ANP32B: variants seen among roughly 807,000 people sequenced by gnomAD.
ANP32B encodes acidic nuclear phosphoprotein 32 family member B.
A neutral mutation model predicts 32.2 loss-of-function variants in ANP32B; 6 were observed. That is an observed-to-expected ratio of 0.19 (90% CI 0.10 to 0.37). ANP32B has a LOEUF of 0.37. Ranked by LOEUF, ANP32B falls within the 10% of genes least tolerant of loss-of-function variation. The probability of loss-of-function intolerance (pLI) is 1.00; values close to 1 mark genes in which losing one functional copy is unlikely to be tolerated. For synonymous variants in ANP32B, 98 were observed against 105.8 expected (o/e 0.93, Z 0.45); for missense variants, 204 against 289.2 (o/e 0.71, Z 2.14).
At chr9:97,985,688 T>C (rs999421197) in intron 1 of ANP32B, among the ~76,000 whole-genome samples, 1 of 152,240 alleles carries the variant, frequency 6.6e-6, no homozygotes, top group Non-Finnish European at 1.5e-5. Flanking sequence ...TAAAGGTCTT[T>C]TAAAATTCTC....
At chr9:97,993,201 T>G (rs1408213058) in intron 1 of ANP32B, among the ~76,000 whole-genome samples, 1 of 152,174 alleles carries the variant, frequency 6.6e-6, no homozygotes, top group Non-Finnish European at 1.5e-5. Context: ...TGAGAAGCGG[T>G]TAGGCACTTA....
chr9:98,012,499 AT>A, intron 6 of ANP32B, 27 bp downstream of exon 6: 2 of 1,606,468 alleles, frequency 1.2e-6, no homozygotes, highest in Non-Finnish European at 1.7e-6. Context: ...CATTTTGATC[AT>A]TCTCAGTTAA....
At chr9:97,984,980 G>C (rs1827687987) in intron 1 of ANP32B, among the ~76,000 whole-genome samples, 1 of 150,932 alleles carries the variant, frequency 6.6e-6, no homozygotes, top group African/African-American at 2.4e-5. Context: ...CGGCCCTCTT[G>C]CGGCGCGGCT....
At chr9:97,995,579 G>A (rs887403995) in intron 2 of ANP32B, among the ~76,000 whole-genome samples, 1 of 152,066 alleles carries the variant, frequency 6.6e-6, no homozygotes, top group African/African-American at 2.4e-5. Flanking sequence ...TTTGGTATTG[G>A]GGTTTGTTTG....
At chr9:97,985,347 A>G (rs1476150307) in intron 1 of ANP32B, among the ~76,000 whole-genome samples, 1 of 152,054 alleles carries the variant, frequency 6.6e-6, no homozygotes, top group Admixed American at 6.5e-5. Context: ...GCTCCACCGC[A>G]CGGCGCTGTC....
At chr9:98,000,458 A>G (rs1827971493) in intron 3 of ANP32B, among the ~76,000 whole-genome samples, 1 of 152,134 alleles carries the variant, frequency 6.6e-6, no homozygotes, top group Non-Finnish European at 1.5e-5. Flanking sequence ...CATTTCCAGT[A>G]TTTAAGCCGA....
intron 4 of ANP32B, among the ~76,000 whole-genome samples, chr9:98,010,604 A>G (rs1285036534): frequency 6.6e-6 from 1 of 152,030 alleles, no homozygotes; most frequent in Non-Finnish European, 1.5e-5. Flanking sequence ...GAGTTAGCCA[A>G]GCAAAGAGGA....
chr9:98,002,973 T>A (rs1249085045), intron 3 of ANP32B, among the ~76,000 whole-genome samples: 1 of 152,126 alleles, frequency 6.6e-6, no homozygotes, highest in Non-Finnish European at 1.5e-5. Context: ...GAGTCAGCCT[T>A]TGTGAAGAGA....
At position 98,000,622 on chromosome 9, in the gene ANP32B, G is replaced by C. The variant is rs79252433; in HGVS notation, c.327+1944G>C. Among the ~76,000 whole-genome samples the C allele has an allele frequency of 2.7e-3, 417 of 152,176 alleles. 6 individuals are homozygous for C. In the East Asian group the frequency reaches 0.05, roughly 18 times the overall value. On this transcript the variant is annotated intron_variant, in intron 3 of 6. Coordinates refer to ENST00000339399, the MANE Select transcript of ANP32B (RefSeq NM_006401.3). ...ATTGCTCAGGAGAAATGGCAGAGTA[G>C]GGATTCAAATCTAAGTCTAGGCTGG... is the stretch of plus-strand genomic sequence containing the variant.
intron 2 of ANP32B, among the ~76,000 whole-genome samples, chr9:97,995,177 C>T (rs980802494): frequency 6.6e-6 from 1 of 152,184 alleles, no homozygotes; most frequent in East Asian, 1.9e-4. Context: ...AATGTTTTCT[C>T]TTGTCACTGC....
chr9:98,001,813 A>G (rs1373212100), intron 3 of ANP32B, among the ~76,000 whole-genome samples: 1 of 152,038 alleles, frequency 6.6e-6, no homozygotes, highest in African/African-American at 2.4e-5. Context: ...ATACCCATAC[A>G]TTTACTGGGT....
chr9:97,996,299 TCA>T (rs1254996269), intron 2 of ANP32B, among the ~76,000 whole-genome samples: 2 of 152,218 alleles, frequency 1.3e-5, no homozygotes, highest in Non-Finnish European at 2.9e-5. Flanking sequence ...CTCTGTACTC[TCA>T]GACTTATTCA....
chr9:98,004,891 C>A, intron 3 of ANP32B, 73 bp from the exon 4 acceptor site: 1 of 1,225,678 alleles, frequency 8.2e-7, no homozygotes, highest in Non-Finnish European at 1.1e-6. Flanking sequence ...TAGAATTTTA[C>A]CTCTTCAAGA....
At chr9:97,991,571 C>T (rs1467856786) in intron 1 of ANP32B, among the ~76,000 whole-genome samples, 1 of 152,022 alleles carries the variant, frequency 6.6e-6, no homozygotes, top group African/African-American at 2.4e-5. Context: ...CCAGAATTTC[C>T]GTAATCGAGA....
chr9:98,006,147 G>A (rs1208670423), intron 4 of ANP32B, among the ~76,000 whole-genome samples: 1 of 152,200 alleles, frequency 6.6e-6, no homozygotes, highest in Admixed American at 6.5e-5. Flanking sequence ...CTGGGGAGTG[G>A]CTGCAAATAC....
At position 97,983,380 on chromosome 9, in the gene ANP32B, T is replaced by C. The variant is rs988384349; in HGVS notation, c.-176T>C. 1.8e-6 allele frequency: 1 copy of C among 563,886 alleles called. No homozygotes were observed. The highest frequency in any genetic ancestry group is 3.6e-5 in the Admixed American group (1 of 27,502). 34.9% of individuals were successfully genotyped at this position (563,886 alleles called of 1,614,324 possible). ...GTTTCTCTCCGCTCCCGTGAGTAAC[T>C]TGGCTCCGGGGGCTCCGCTCGCCTG... is the stretch of plus-strand genomic sequence containing the variant. On this transcript the variant is annotated 5_prime_UTR_variant, in exon 1 of 7. Transcript: ENST00000339399.
At chr9:97,991,198 C>CTG (rs1262457379) in intron 1 of ANP32B, among the ~76,000 whole-genome samples, 1 of 151,972 alleles carries the variant, frequency 6.6e-6, no homozygotes, top group African/African-American at 2.4e-5. Context: ...TCACTGCAAC[C>CTG]TGGACCTCCT....
chr9:98,003,890 CT>C (rs1205208502), intron 3 of ANP32B, among the ~76,000 whole-genome samples: 1 of 152,178 alleles, frequency 6.6e-6, no homozygotes, highest in African/African-American at 2.4e-5. Flanking sequence ...GTTATTGCCC[CT>C]ATTCTGAAAG....
intron 4 of ANP32B, among the ~76,000 whole-genome samples, chr9:98,009,798 A>G (rs899590039): frequency 3.3e-5 from 5 of 152,270 alleles, no homozygotes; most frequent in African/African-American, 1.2e-4. Flanking sequence ...CACATATGAC[A>G]GAAATTATCA....
Sources: gnomAD v4.1 joint callset for allele counts (sites outside exome capture counted in the v4.1 genomes callset) on GRCh38, gnomAD v4.1.1 for gene constraint, MANE v1.5 for transcripts, NCBI Gene and HGNC (gene_info 2026-07-23, HGNC 2026-07-21) for gene names.